The following CDK5RAP2 variants were observed in gnomAD, a reference collection of about 807,000 sequenced individuals.
The protein encoded by CDK5RAP2 is CDK5 regulatory subunit-associated protein 2.
In CDK5RAP2, 147 loss-of-function variants were observed where a neutral mutation model predicts 232.9. The ratio of observed to expected loss-of-function variants is 0.63; its 90% CI spans 0.55 to 0.72. The LOEUF (loss-of-function observed/expected upper bound fraction) is 0.72. CDK5RAP2 is among the 30% of genes least tolerant of loss of function. The pLI is 0.00. For missense variants in CDK5RAP2, 2,195 were observed against 2,231.5 expected (o/e 0.98, Z 0.33); for synonymous variants, 833 against 833.7 (o/e 1.00, Z 0.01).
rs2041074941 is a variant in CDK5RAP2 at position 120,529,961 on chromosome 9, A to G, written c.825+17T>C. 5 of 1,613,282 alleles carry G rather than the reference A, an allele frequency of 3.1e-6. No homozygotes were observed. Among genetic ancestry groups the G allele is most frequent in the Admixed American group, 3.3e-5 (2 of 59,986 alleles). On this transcript the variant is annotated intron_variant, in intron 8 of 37. Transcript: ENST00000349780. ...GTTGGCTAATTAAAGCCCCCTCTTC[A>G]TGTCCTGTCACCTCACCTCAGTTTC...
Position 120,439,507 on chromosome 9 carries a change from T to C in CDK5RAP2, c.3614A>G (p.Gln1205Arg). ...CAGCTTGTATTCCTGTTCCTCCAGC[T>C]GCTGTTTGAGGTTCTCCAGCACCCT... ...DSRVLENLKQ[Q>R]LEEQEYKLQK... The change falls in exon 24 of 38, where the codon CAG becomes CGG. Residue 1205 changes from glutamine (Q) to arginine (R), a missense_variant. By Grantham distance (43) the Gln-to-Arg change is conservative. Transcript: ENST00000349780. 2 of 1,614,220 alleles carry C rather than the reference T, an allele frequency of 1.2e-6. No homozygotes were observed. Among genetic ancestry groups the C allele is most frequent in the Non-Finnish European group, 1.7e-6 (2 of 1,180,012 alleles).
In CDK5RAP2 at chr9:120,409,161, G is replaced by C; in HGVS notation, c.4570C>G (p.Gln1524Glu). The change falls in exon 30 of 38, where the codon CAG becomes GAG. Residue 1524 changes from glutamine (Q) to glutamate (E), a missense_variant. Gln to Glu is a conservative substitution (Grantham distance 29). Coordinates refer to ENST00000349780, the MANE Select transcript of CDK5RAP2 (RefSeq NM_018249.6). ...TCCTGGCCGCTGCAGCGGACCTCCT[G>C]GATCAGCTGCTGGTTGTGTCTCTCC... ...EKERHNQQLI[Q>E]EVRCSGQELS... 1.9e-6 allele frequency: 3 copies of C among 1,612,938 alleles called. No homozygotes were observed. The African/African-American group carries it at 4.0e-5, about 21-fold the overall frequency.
chr9:120,466,547 A>AT (rs562136391), intron 18 of CDK5RAP2, among the ~76,000 whole-genome samples: 4,259 of 150,948 alleles, frequency 0.028, 76 homozygotes, highest in Non-Finnish European at 0.033. Flanking sequence ...CATTTAACAG[A>AT]TTTTTTTTTT....
At chr9:120,528,600 A>T in intron 9 of CDK5RAP2, 144 bp downstream of exon 9, 2 of 687,018 alleles carry the variant, frequency 2.9e-6, no homozygotes, top group Non-Finnish European at 5.3e-6. Flanking sequence ...CCCTTTCTAG[A>T]GTACCTTATG....
intron 5 of CDK5RAP2, among the ~76,000 whole-genome samples, chr9:120,542,547 T>G (rs2041679688): frequency 1.3e-5 from 2 of 150,552 alleles, no homozygotes. Context: ...TGGTAGATAC[T>G]GTCATTGAAC....
At chr9:120,542,777 A>G (rs144072960) in intron 5 of CDK5RAP2, among the ~76,000 whole-genome samples, 4 of 152,298 alleles carry the variant, frequency 2.6e-5, no homozygotes, top group Non-Finnish European at 5.9e-5. Flanking sequence ...CTCCCAGAAC[A>G]ATGATGGAAT....
At position 120,453,588 on chromosome 9, in the gene CDK5RAP2, A is replaced by G. The variant is rs762044263; in HGVS notation, c.2661T>C (p.His887=). The change falls in exon 21 of 38, where the codon CAT becomes CAC. Residue 887 remains histidine (H), a synonymous_variant. Transcript: ENST00000349780. The part of the protein sequence containing the change: ...ATEGDLLRFK[H]EATREAWEEK... The stretch of plus-strand genomic sequence containing the variant: ...CTTCCCAAGCCTCTCTTGTTGCTTC[A>G]TGCTTGAATCTCAGCAGGTCGCCCT... 9 of 1,614,166 alleles carry G rather than the reference A, an allele frequency of 5.6e-6. No individual in the cohort carries two copies. Among genetic ancestry groups the G allele is most frequent in the Non-Finnish European group, 7.6e-6 (9 of 1,180,020 alleles).
chr9:120,532,916 C>A (rs2041218679), intron 7 of CDK5RAP2, among the ~76,000 whole-genome samples: 3 of 152,086 alleles, frequency 2.0e-5, no homozygotes, highest in Non-Finnish European at 2.9e-5. Context: ...CAAAGTCCCC[C>A]TTCCAAAAAA....
chr9:120,547,948 A>G (rs547848920), intron 4 of CDK5RAP2, among the ~76,000 whole-genome samples: 2 of 152,358 alleles, frequency 1.3e-5, no homozygotes, highest in African/African-American at 2.4e-5. Flanking sequence ...CCTTAGACAT[A>G]TAAGTCCACA....
intron 4 of CDK5RAP2, 143 bp from the exon 5 acceptor site, chr9:120,545,933 G>C: frequency 1.4e-6 from 1 of 702,568 alleles, no homozygotes; most frequent in Non-Finnish European, 2.6e-6. Flanking sequence ...ACCCTCATTA[G>C]CCTCAGGGCA....
chr9:120,436,951 A>T (rs940096576), intron 25 of CDK5RAP2, among the ~76,000 whole-genome samples: 1 of 152,190 alleles, frequency 6.6e-6, no homozygotes, highest in Non-Finnish European at 1.5e-5. Flanking sequence ...AATAAATAAA[A>T]AATCCCATCT....
chr9:120,557,150 C>G (rs1191872260), intron 3 of CDK5RAP2, among the ~76,000 whole-genome samples: 3 of 152,180 alleles, frequency 2.0e-5, no homozygotes, highest in Non-Finnish European at 4.4e-5. Context: ...CAGCAAACAA[C>G]AGACAGTCCC....
intron 4 of CDK5RAP2, among the ~76,000 whole-genome samples, chr9:120,549,235 T>C (rs2041964750): frequency 6.6e-6 from 1 of 151,958 alleles, no homozygotes; most frequent in African/African-American, 2.4e-5. Context: ...CTTGCACTTA[T>C]GTAAAAAGAG....
chr9:120,519,853 G>C (rs1324860941), intron 11 of CDK5RAP2, among the ~76,000 whole-genome samples: 1 of 151,762 alleles, frequency 6.6e-6, no homozygotes, highest in African/African-American at 2.4e-5. Flanking sequence ...ACAAAAAGTA[G>C]AGATATATCT....
chr9:120,493,518 C>T (rs918329446), intron 12 of CDK5RAP2, among the ~76,000 whole-genome samples: 1 of 152,112 alleles, frequency 6.6e-6, no homozygotes, highest in African/African-American at 2.4e-5. Context: ...TAGCTAGTAA[C>T]ATCACAAAAA....
intron 20 of CDK5RAP2, among the ~76,000 whole-genome samples, chr9:120,458,022 C>A (rs2036878085): frequency 6.6e-6 from 1 of 152,192 alleles, no homozygotes; most frequent in South Asian, 2.1e-4. Context: ...TATCTCCTCA[C>A]ATAGGAATGG....
At chr9:120,438,868 G>T (rs185944537) in intron 24 of CDK5RAP2, among the ~76,000 whole-genome samples, 1 of 152,150 alleles carries the variant, frequency 6.6e-6, no homozygotes, top group East Asian at 1.9e-4. Flanking sequence ...AAGCAAAACC[G>T]TATATATCTA....
At chr9:120,528,554 T>C (rs1361619670) in intron 9 of CDK5RAP2, among the ~76,000 whole-genome samples, 190 bp downstream of exon 9, 2 of 152,168 alleles carry the variant, frequency 1.3e-5, no homozygotes, top group Admixed American at 6.5e-5. Context: ...AAAATGGGAA[T>C]GCCTACTTCA....
chr9:120,408,260 G>A, intron 31 of CDK5RAP2, 87 bp downstream of exon 31: 1 of 1,521,304 alleles, frequency 6.6e-7, no homozygotes. Flanking sequence ...AGAGGGCTGA[G>A]CTCTGCCCTC....
Sources: gnomAD v4.1 joint callset for allele counts (sites outside exome capture counted in the v4.1 genomes callset) on GRCh38, gnomAD v4.1.1 for gene constraint, MANE v1.5 for transcripts, NCBI Gene and HGNC (gene_info 2026-07-23, HGNC 2026-07-21) for gene names.